The following ZNF618 variants were observed in gnomAD, a reference collection of about 807,000 sequenced individuals.
ZNF618 encodes neural precursor cell expressed, developmentally down-regulated 10.
In ZNF618, 34 loss-of-function variants were observed where a neutral mutation model predicts 103.0. The ratio of observed to expected loss-of-function variants is 0.33; its 90% CI spans 0.25 to 0.44. The LOEUF (loss-of-function observed/expected upper bound fraction) is 0.44, where lower values mean the gene tolerates loss of function less well. ZNF618 is among the 20% of genes least tolerant of loss of function. The probability of loss-of-function intolerance (pLI) is 1.00; values close to 1 mark genes in which losing one functional copy is unlikely to be tolerated. For synonymous variants in ZNF618, 551 were observed against 542.2 expected (o/e 1.02, Z -0.23); for missense variants, 1,059 against 1,295.4 (o/e 0.82, Z 2.80).
intron 1 of ZNF618, among the ~76,000 whole-genome samples, chr9:113,937,510 G>A (rs1834135373): frequency 6.6e-6 from 1 of 152,172 alleles, no homozygotes. Context: ...GATTCTGAGT[G>A]AAATTGTTTT....
At chr9:113,993,994 T>G (rs540227200) in intron 3 of ZNF618, among the ~76,000 whole-genome samples, 8 of 152,140 alleles carry the variant, frequency 5.3e-5, no homozygotes, top group Middle Eastern at 3.4e-3. Flanking sequence ...CTGACATAGG[T>G]GATCAGGGAG....
chr9:113,969,051 G>A, intron 1 of ZNF618, 66 bp from the exon 2 acceptor site: 9 of 1,574,262 alleles, frequency 5.7e-6, no homozygotes, highest in Non-Finnish European at 7.9e-6. Context: ...GCTTGATGGG[G>A]TGGCAGCAGG....
rs117982856 is a variant in ZNF618 at position 114,028,209 on chromosome 9, G to A, written c.845-524G>A. ...CTGCTACACTTATTTCAATTAAAGC[G>A]TCAGGTGTCCCATGAGAGCAACAGT... On this transcript the variant is annotated intron_variant, in intron 10 of 14. Transcript: ENST00000374126. 8.7e-3 allele frequency: 1,362 copies of A among 155,712 alleles called. 11 individuals carry two copies. Among genetic ancestry groups the A allele is most frequent in the Middle Eastern group, 0.017 (5 of 298 alleles). 9.6% of individuals were successfully genotyped at this position (155,712 alleles called of 1,614,324 possible). A position where few individuals can be genotyped will look rare whatever the true frequency, so the allele number is the denominator to read the frequency against.
At position 113,940,874 on chromosome 9, in the gene ZNF618, G is replaced by T. The variant is rs138816109; in HGVS notation, c.34-28243G>T. On this transcript the variant is annotated intron_variant, in intron 1 of 14. Coordinates refer to ENST00000374126, the MANE Select transcript of ZNF618 (RefSeq NM_001318042.2). ...TGTGCCCCCCAATTTGTGATATTCT[G>T]CCTTTTAACAGGAGAATTTATATAT... Among the ~76,000 whole-genome samples the T allele has an allele frequency of 5.2e-3, 791 of 152,030 alleles. 5 individuals carry two copies. Among genetic ancestry groups the T allele is most frequent in the Middle Eastern group, 0.027 (8 of 292 alleles).
intron 1 of ZNF618, among the ~76,000 whole-genome samples, chr9:113,883,401 T>G (rs1828717899): frequency 6.6e-6 from 1 of 152,226 alleles, no homozygotes; most frequent in Admixed American, 6.5e-5. Flanking sequence ...AGATGCCTGA[T>G]TTGCAGGTAT....
chr9:113,885,607 A>G (rs1010327562), intron 1 of ZNF618, among the ~76,000 whole-genome samples: 1 of 152,080 alleles, frequency 6.6e-6, no homozygotes, highest in Non-Finnish European at 1.5e-5. Flanking sequence ...TCCTGTTTCA[A>G]TCATGTATGT....
intron 13 of ZNF618, among the ~76,000 whole-genome samples, chr9:114,047,240 A>T (rs539707791): frequency 6.6e-6 from 1 of 152,364 alleles, no homozygotes; most frequent in South Asian, 2.1e-4. Flanking sequence ...TGGAGGACAC[A>T]TCCAGGAACT....
In ZNF618 at chr9:114,005,992, C is replaced by G. The variant is rs140116315; in HGVS notation, c.551-1358C>G. Among the ~76,000 whole-genome samples the G allele has an allele frequency of 2.7e-4, 41 of 152,354 alleles. 1 individual carries two copies. The East Asian group carries it at 7.3e-3, about 27-fold the overall frequency. Reference sequence around the variant, plus strand: ...CAGAATGTCTCCAAGGAACCTGTGGCTCCTTGCTCAGGGACCAGTTTGTGT... The same window carrying G: ...CAGAATGTCTCCAAGGAACCTGTGGGTCCTTGCTCAGGGACCAGTTTGTGT... On this transcript the variant is annotated intron_variant, in intron 6 of 14. Transcript: ENST00000374126.
chr9:113,876,560 C>A (rs1827951957), intron 1 of ZNF618, 147 bp downstream of exon 1: 1 of 509,884 alleles, frequency 2.0e-6, no homozygotes, highest in Non-Finnish European at 2.6e-6. Context: ...TCGGGAGGGT[C>A]GGGGTCCGGA....
At chr9:113,946,071 T>A (rs1027894029) in intron 1 of ZNF618, among the ~76,000 whole-genome samples, 6 of 152,308 alleles carry the variant, frequency 3.9e-5, no homozygotes, top group Admixed American at 3.9e-4. Flanking sequence ...TCCTGCCTTT[T>A]CTTCTAGAAT....
intron 1 of ZNF618, among the ~76,000 whole-genome samples, chr9:113,886,462 C>G (rs1564128739): frequency 6.6e-6 from 1 of 151,884 alleles, no homozygotes; most frequent in African/African-American, 2.4e-5. Flanking sequence ...AAAGAATAGA[C>G]GAAGACATTT....
chr9:114,049,441 G>A lies in ZNF618; in HGVS notation c.2139G>A (p.Glu713=), dbSNP rs778854512. Residue 713 remains glutamate (E), a synonymous_variant, in exon 15 of 15, where the codon GAG becomes GAA. Transcript: ENST00000374126. ...ATGAGCGCTATGAGCAGATCTGCGA[G>A]TTCTACAGCCGGGCCAAGAAGATGA... The part of the protein sequence containing the change: ...LVHERYEQIC[E]FYSRAKKMNL... The A allele has an allele frequency of 6.2e-7, 1 of 1,607,090 alleles. No homozygotes were observed. The highest frequency in any genetic ancestry group is 1.1e-5 in the South Asian group (1 of 89,870).
intron 2 of ZNF618, among the ~76,000 whole-genome samples, chr9:113,987,595 A>G (rs184264085): frequency 1.3e-4 from 19 of 151,578 alleles, no homozygotes; most frequent in Middle Eastern, 3.4e-3. Context: ...AACGAAGGGA[A>G]CAGCACTGGA....
At chr9:113,924,037 G>A (rs1034455306) in intron 1 of ZNF618, among the ~76,000 whole-genome samples, 2 of 152,058 alleles carry the variant, frequency 1.3e-5, no homozygotes, top group African/African-American at 4.8e-5. Context: ...TAGTGTCGTA[G>A]AATGAGTTAG....
At chr9:113,928,487 G>A (rs922370861) in intron 1 of ZNF618, among the ~76,000 whole-genome samples, 3 of 152,056 alleles carry the variant, frequency 2.0e-5, no homozygotes, top group African/African-American at 7.2e-5. Context: ...TAATTTTTTT[G>A]TTGAAAGCCA....
At position 114,055,243 on chromosome 9, in the gene ZNF618, C is replaced by G. The variant is rs541855960; in HGVS notation, c.*5076C>G. The G allele has an allele frequency of 6.6e-6, 1 of 152,160 alleles. No individual in the cohort carries two copies. The highest frequency in any genetic ancestry group is 1.5e-5 in the Non-Finnish European group (1 of 68,028). The allele number at this position is 152,160 out of a possible 1,614,324, so 9.4% of individuals were successfully genotyped here. ...CTCCTGCCATAACCCAGGTGCCAGC[C>G]GGTCTCCGCCTAGGACCTTCCCTCC... On this transcript the variant is annotated 3_prime_UTR_variant, in exon 15 of 15. Transcript: ENST00000374126.
At chr9:113,956,053 C>CA (rs1836254340) in intron 1 of ZNF618, among the ~76,000 whole-genome samples, 1 of 151,218 alleles carries the variant, frequency 6.6e-6, no homozygotes, top group South Asian at 2.1e-4. Context: ...CTACTAAATA[C>CA]AAAAAAATAG....
intron 1 of ZNF618, among the ~76,000 whole-genome samples, chr9:113,880,306 A>G (rs1828394519): frequency 6.6e-6 from 1 of 152,140 alleles, no homozygotes; most frequent in African/African-American, 2.4e-5. Context: ...TAGCCCCCAC[A>G]AGGTCTTGCT....
rs1000560258 is a variant in ZNF618, at chr9:113,988,507, C to T, written c.264C>T (p.Ser88=). The change falls in exon 3 of 15, where the codon AGC becomes AGT. Residue 88 remains serine (S), a synonymous_variant. Transcript: ENST00000374126. ...CCAAGGAGGAGAAGAAGGCGGTCAGCAAGGATGGGACCAGCGACGTGCCTG... is the reference window on the plus strand; with the variant it reads ...CCAAGGAGGAGAAGAAGGCGGTCAGTAAGGATGGGACCAGCGACGTGCCTG... ...GEAKEEKKAV[S]KDGTSDVPAE... is the part of the protein sequence containing the mutation. 5.0e-6 allele frequency: 8 copies of T among 1,613,136 alleles called. No homozygotes were observed. Among genetic ancestry groups the T allele is most frequent in the Middle Eastern group, 1.6e-4 (1 of 6,062 alleles).
Sources: allele counts gnomAD v4.1 joint callset (sites outside exome capture counted in the v4.1 genomes callset), GRCh38; gene constraint gnomAD v4.1.1; transcripts MANE v1.5; gene names NCBI Gene and HGNC (gene_info 2026-07-23, HGNC 2026-07-21).